The following RAPGEF5 variants were observed in gnomAD, a reference collection of about 807,000 sequenced individuals.
The protein encoded by RAPGEF5 is Rap guanine nucleotide exchange factor 5.
RAPGEF5 carries 65 observed loss-of-function variants against 125.2 expected under a neutral mutation model. The observed-to-expected ratio is 0.52, with a 90% CI of 0.43 to 0.64. RAPGEF5 has a LOEUF of 0.64. RAPGEF5 is among the 30% of genes least tolerant of loss of function. RAPGEF5 has a pLI of 0.00. For synonymous variants in RAPGEF5, 391 were observed against 385.9 expected (o/e 1.01, Z -0.16); for missense variants, 958 against 1,048.1 (o/e 0.91, Z 1.19).
intron 1 of RAPGEF5, among the ~76,000 whole-genome samples, chr7:22,325,390 T>G (rs1783794605): frequency 1.3e-5 from 2 of 152,076 alleles, no homozygotes; most frequent in South Asian, 4.2e-4. Flanking sequence ...AAGCATGATA[T>G]TACCACCTCA....
At chr7:22,125,713 A>C in intron 24 of RAPGEF5, 55 bp from the exon 25 acceptor site, 1 of 1,484,508 alleles carries the variant, frequency 6.7e-7, no homozygotes, top group Non-Finnish European at 9.4e-7. Context: ...GGTGTTACTG[A>C]AGAAGCAGTG....
intron 8 of RAPGEF5, among the ~76,000 whole-genome samples, chr7:22,220,716 GAA>G (rs34262187): frequency 1.8e-3 from 267 of 146,390 alleles, no homozygotes; most frequent in Non-Finnish European, 2.9e-3. Flanking sequence ...TTTGAAATAG[GAA>G]AAAAAAAAAA....
chr7:22,207,753 T>C lies in RAPGEF5; in HGVS notation c.996+12113A>G, dbSNP rs139493346. The stretch of plus-strand genomic sequence containing the variant: ...AGGACTATGTATAATATACTAAATT[T>C]TTTTTGACAAGTATATTTTGTAGCT... On this transcript the variant is annotated intron_variant, in intron 9 of 25. Transcript: ENST00000665637. Among the ~76,000 whole-genome samples, 96 of 152,334 alleles carry C rather than the reference T, an allele frequency of 6.3e-4. 1 individual carries two copies. In the East Asian group the frequency reaches 0.018, roughly 28 times the overall value.
At chr7:22,235,963 T>C (rs1786177210) in intron 7 of RAPGEF5, among the ~76,000 whole-genome samples, 1 of 152,166 alleles carries the variant, frequency 6.6e-6, no homozygotes, top group Admixed American at 6.5e-5. Flanking sequence ...TTTTTAGTGT[T>C]AAAATTAGAA....
chr7:22,174,902 C>A (rs1283466416), intron 11 of RAPGEF5, among the ~76,000 whole-genome samples: 1 of 152,132 alleles, frequency 6.6e-6, no homozygotes, highest in Non-Finnish European at 1.5e-5. Context: ...ATATCAAAAA[C>A]CAGAGCTTGC....
intron 5 of RAPGEF5, among the ~76,000 whole-genome samples, chr7:22,294,282 C>T (rs1783001654): frequency 6.6e-6 from 1 of 152,176 alleles, no homozygotes; most frequent in African/African-American, 2.4e-5. Context: ...AGGAAGATCC[C>T]TCCCTGAGGG....
Position 22,254,447 on chromosome 7 carries a change from GA to G in RAPGEF5, c.796+12516del, listed in dbSNP as rs892914493. Among the ~76,000 whole-genome samples, 49 of 145,414 alleles carry G rather than the reference GA, an allele frequency of 3.4e-4. No individual in the cohort carries two copies. The East Asian group carries it at 5.2e-3, about 15-fold the overall frequency. On this transcript the variant is annotated intron_variant, in intron 7 of 25. Transcript: ENST00000665637. The stretch of plus-strand genomic sequence containing the variant: ...AAGGTGGAGAAACCCCGTCTCTACT[GA>G]AAAAAAAAAATTAGCCAGGTGTGGT...
At chr7:22,305,809 T>C (rs1183076829) in intron 5 of RAPGEF5, among the ~76,000 whole-genome samples, 2 of 152,202 alleles carry the variant, frequency 1.3e-5, no homozygotes, top group Non-Finnish European at 2.9e-5. Flanking sequence ...GCAATGTTTG[T>C]CTTTCTGTGC....
intron 7 of RAPGEF5, among the ~76,000 whole-genome samples, chr7:22,251,169 T>G (rs1286422697): frequency 3.9e-5 from 6 of 152,352 alleles, no homozygotes; most frequent in African/African-American, 1.4e-4. Flanking sequence ...TTTAATATTT[T>G]AAAACATCTA....
At chr7:22,239,468 A>G (rs529999683) in intron 7 of RAPGEF5, among the ~76,000 whole-genome samples, 222 of 152,196 alleles carry the variant, frequency 1.5e-3, no homozygotes, top group African/African-American at 4.6e-3. Flanking sequence ...AAAAGCTCCC[A>G]TCTCCCCCAT....
chr7:22,244,902 A>C (rs1192517079), intron 7 of RAPGEF5, among the ~76,000 whole-genome samples: 1 of 152,214 alleles, frequency 6.6e-6, no homozygotes, highest in Non-Finnish European at 1.5e-5. Flanking sequence ...AGGAAACTCC[A>C]TATTGTGGTA....
rs138058950 is a variant in RAPGEF5 at position 22,310,968 on chromosome 7, T to A, written c.390-878A>T. ...AAAACAAAAAGAAAAACTTCTGAAG[T>A]GTTTTGTCATTTGCAGAAATTTCAT... On this transcript the variant is annotated intron_variant, in intron 3 of 25. Coordinates refer to ENST00000665637, the MANE Select transcript of RAPGEF5 (RefSeq NM_012294.5). Among the ~76,000 whole-genome samples the A allele has an allele frequency of 3.6e-3, 554 of 152,296 alleles. 1 individual carries two copies. Among genetic ancestry groups the A allele is most frequent in the Middle Eastern group, 6.8e-3 (2 of 294 alleles).
At chr7:22,292,527 CT>C (rs1423307288) in intron 5 of RAPGEF5, among the ~76,000 whole-genome samples, 2 of 152,132 alleles carry the variant, frequency 1.3e-5, no homozygotes, top group African/African-American at 2.4e-5. Context: ...AACTTGGGAT[CT>C]TTTTTTAATA....
At chr7:22,202,746 T>C (rs1340458729) in intron 9 of RAPGEF5, among the ~76,000 whole-genome samples, 1 of 152,156 alleles carries the variant, frequency 6.6e-6, no homozygotes, top group African/African-American at 2.4e-5. Flanking sequence ...CTGAATCAAA[T>C]TAAACGGATA....
At chr7:22,212,299 A>G (rs991753218) in intron 9 of RAPGEF5, among the ~76,000 whole-genome samples, 1 of 152,048 alleles carries the variant, frequency 6.6e-6, no homozygotes, top group African/African-American at 2.4e-5. Flanking sequence ...CTCTGCCTGG[A>G]ACACCCATCC....
intron 20 of RAPGEF5, among the ~76,000 whole-genome samples, chr7:22,143,569 C>G (rs944074527): frequency 1.2e-4 from 18 of 152,206 alleles, no homozygotes; most frequent in African/African-American, 4.3e-4. Flanking sequence ...TAAATCAGAA[C>G]AGATTACTGT....
At chr7:22,314,545 G>C in intron 3 of RAPGEF5, 1 of 785,210 alleles carries the variant, frequency 1.3e-6, no homozygotes, top group South Asian at 5.8e-5. Context: ...TAACATAAAG[G>C]AATATCCTTT....
At chr7:22,154,430 T>C in intron 17 of RAPGEF5, 25 bp downstream of exon 17, 1 of 1,611,346 alleles carries the variant, frequency 6.2e-7, no homozygotes, top group Non-Finnish European at 8.5e-7. Context: ...GAAAGATTAA[T>C]ATTCAAGGGT....
intron 1 of RAPGEF5, among the ~76,000 whole-genome samples, chr7:22,338,430 T>C (rs1466768616): frequency 4.6e-5 from 7 of 152,270 alleles, no homozygotes; most frequent in African/African-American, 1.2e-4. Context: ...AGTTACACTA[T>C]GTATTTTGAA....
Sources: gnomAD v4.1 joint callset for allele counts (sites outside exome capture counted in the v4.1 genomes callset) on GRCh38, gnomAD v4.1.1 for gene constraint, MANE v1.5 for transcripts, NCBI Gene and HGNC (gene_info 2026-07-23, HGNC 2026-07-21) for gene names.